Variants in TBC1D22A observed in about 807,000 individuals in gnomAD.
TBC1D22A encodes the protein TBC1 domain family member 22A.
Under a neutral mutation model 60.2 loss-of-function variants are expected in TBC1D22A, and 38 were observed. The ratio of observed to expected loss-of-function variants is 0.63; its 90% CI spans 0.49 to 0.83. The LOEUF is 0.83. Among genes scored for constraint, TBC1D22A ranks in the 40% least tolerant of loss-of-function variants. TBC1D22A has a pLI of 0.00. For synonymous variants in TBC1D22A, 302 were observed against 281.7 expected (o/e 1.07, Z -0.72); for missense variants, 628 against 701.0 (o/e 0.90, Z 1.18).
intron 4 of TBC1D22A, among the ~76,000 whole-genome samples, chr22:46,806,204 A>G (rs902928857): frequency 3.3e-5 from 5 of 152,178 alleles, no homozygotes; most frequent in Non-Finnish European, 5.9e-5. Context: ...GCTGTGTGGA[A>G]AACGTAGTAT....
chr22:46,827,220 A>G (rs1194663557), intron 4 of TBC1D22A, among the ~76,000 whole-genome samples: 1 of 152,212 alleles, frequency 6.6e-6, no homozygotes, highest in East Asian at 1.9e-4. Flanking sequence ...TCAGGCTTCT[A>G]ACTTACCTTG....
intron 10 of TBC1D22A, among the ~76,000 whole-genome samples, chr22:47,002,704 C>T (rs936749875): frequency 1.9e-4 from 29 of 152,180 alleles, no homozygotes; most frequent in Admixed American, 6.5e-5. Flanking sequence ...TTTCTGGTGC[C>T]ACAGTGGTGG....
intron 10 of TBC1D22A, among the ~76,000 whole-genome samples, chr22:47,019,400 CA>C (rs1435912565): frequency 3.9e-5 from 6 of 152,238 alleles, no homozygotes; most frequent in Non-Finnish European, 8.8e-5. Context: ...GATGAGATGG[CA>C]GATTGGGAGG....
In TBC1D22A at chr22:46,929,863, C is replaced by T. The variant is rs77298259; in HGVS notation, c.1015+17675C>T. On this transcript the variant is annotated intron_variant, in intron 8 of 12. Transcript: ENST00000337137. The stretch of plus-strand genomic sequence containing the variant: ...GAAGCAAGCATGTGCCCAACGGTCC[C>T]CTGGACCTGGTGTGCTGGGAACTTT... 2.7e-3 allele frequency among the ~76,000 whole-genome samples: 414 copies of T among 152,236 alleles called. 2 individuals are homozygous for T. Among genetic ancestry groups the T allele is most frequent in the African/African-American group, 9.6e-3 (397 of 41,544 alleles).
intron 12 of TBC1D22A, among the ~76,000 whole-genome samples, chr22:47,171,765 G>A (rs1217780286): frequency 6.6e-6 from 1 of 152,152 alleles, no homozygotes; most frequent in Admixed American, 6.5e-5. Context: ...GGTCCCCCGA[G>A]GACCTGTGCT....
chr22:47,098,472 ACT>A (rs1368600433), intron 11 of TBC1D22A, among the ~76,000 whole-genome samples: 1 of 151,234 alleles, frequency 6.6e-6, no homozygotes, highest in Non-Finnish European at 1.5e-5. Context: ...GGAACTGGAC[ACT>A]CTTCCCTGTG....
chr22:46,891,029 G>T (rs1438583219), intron 5 of TBC1D22A, among the ~76,000 whole-genome samples: 1 of 152,198 alleles, frequency 6.6e-6, no homozygotes, highest in Non-Finnish European at 1.5e-5. Context: ...CCGGGAGGCT[G>T]CGGACGCAAG....
chr22:46,904,318 T>C (rs5767390), intron 7 of TBC1D22A, among the ~76,000 whole-genome samples: 58,910 of 151,636 alleles, frequency 0.39, 14,432 homozygotes, highest in African/African-American at 0.67. Flanking sequence ...CTTTTTCTTA[T>C]AACAGGCTTT....
chr22:47,158,936 T>C (rs1270879512), intron 12 of TBC1D22A, among the ~76,000 whole-genome samples: 1 of 151,480 alleles, frequency 6.6e-6, no homozygotes, highest in Non-Finnish European at 1.5e-5. Context: ...GCACTCACCA[T>C]GTACACACAC....
At chr22:46,967,791 G>A (rs1406089884) in intron 8 of TBC1D22A, among the ~76,000 whole-genome samples, 4 of 151,708 alleles carry the variant, frequency 2.6e-5, no homozygotes, top group Admixed American at 6.6e-5. Flanking sequence ...TACAAGCTAC[G>A]ATTCCATTGC....
At chr22:46,794,046 C>T (rs1450581244) in intron 3 of TBC1D22A, among the ~76,000 whole-genome samples, 2 of 152,198 alleles carry the variant, frequency 1.3e-5, no homozygotes, top group African/African-American at 2.4e-5. Context: ...TTTCTTCTGT[C>T]CTAGCTACGT....
At chr22:46,939,776 T>C (rs1450984907) in intron 8 of TBC1D22A, among the ~76,000 whole-genome samples, 2 of 152,192 alleles carry the variant, frequency 1.3e-5, no homozygotes, top group Non-Finnish European at 2.9e-5. Context: ...TAAAACCGAT[T>C]AGAGATGCAT....
At chr22:46,920,970 C>G (rs1190533069) in intron 8 of TBC1D22A, among the ~76,000 whole-genome samples, 5 of 151,872 alleles carry the variant, frequency 3.3e-5, no homozygotes, top group African/African-American at 1.2e-4. Flanking sequence ...AGGGTTTTAC[C>G]ATGTTGGCCA....
intron 1 of TBC1D22A, among the ~76,000 whole-genome samples, chr22:46,769,249 G>A (rs1158967956): frequency 1.3e-5 from 2 of 152,194 alleles, no homozygotes; most frequent in South Asian, 4.1e-4. Flanking sequence ...CCAGAGCCAC[G>A]AGATGTCTGT....
At chr22:46,903,197 G>A (rs545442016) in intron 7 of TBC1D22A, among the ~76,000 whole-genome samples, 19 of 152,318 alleles carry the variant, frequency 1.2e-4, no homozygotes, top group South Asian at 2.1e-4. Flanking sequence ...CCTGGTGGGC[G>A]TTCGGGACCG....
Position 46,793,667 on chromosome 22 carries a change from G to A in TBC1D22A, c.286G>A (p.Glu96Lys). Residue 96 changes from glutamate to lysine, a missense_variant, in exon 3 of 13, where the codon GAG becomes AAG. Physicochemically the swap from Glu to Lys is moderately conservative, Grantham distance 56. Transcript: ENST00000337137. ...GAGCCTGAACTCCGAGGTGGTCATG[G>A]AGACGGCCAACCGTGTGCTGCGTAA... is the stretch of plus-strand genomic sequence containing the variant. ...AESLNSEVVM[E>K]TANRVLRNHS... The A allele has an allele frequency of 6.2e-7, 1 of 1,613,356 alleles. No homozygotes were observed. The highest frequency in any genetic ancestry group is 8.5e-7 in the Non-Finnish European group (1 of 1,180,036).
intron 11 of TBC1D22A, among the ~76,000 whole-genome samples, chr22:47,040,240 T>C (rs146911169): frequency 0.013 from 2,028 of 152,212 alleles, 19 homozygotes; most frequent in Middle Eastern, 0.034. Flanking sequence ...CCACCACGCC[T>C]GGCCGGTGCC....
At chr22:46,795,548 C>G (rs1022021711) in intron 3 of TBC1D22A, among the ~76,000 whole-genome samples, 2 of 152,212 alleles carry the variant, frequency 1.3e-5, no homozygotes, top group African/African-American at 4.8e-5. Flanking sequence ...AGAAGGGGGC[C>G]CATGACCTCA....
intron 4 of TBC1D22A, among the ~76,000 whole-genome samples, chr22:46,853,348 G>A (rs778484354): frequency 5.3e-5 from 8 of 152,206 alleles, no homozygotes; most frequent in Non-Finnish European, 1.2e-4. Flanking sequence ...GCATGAAGCC[G>A]CCTCCTTCAG....
Sources: allele counts gnomAD v4.1 joint callset (sites outside exome capture counted in the v4.1 genomes callset), GRCh38; gene constraint gnomAD v4.1.1; transcripts MANE v1.5; gene names NCBI Gene and HGNC (gene_info 2026-07-23, HGNC 2026-07-21).